Variants in CSMD3 observed in about 807,000 individuals in gnomAD.
CSMD3 encodes CUB and sushi domain-containing protein 3.
Under a neutral mutation model 435.2 loss-of-function variants are expected in CSMD3, and 177 were observed. That is an observed-to-expected ratio of 0.41 (90% CI 0.36 to 0.46). The LOEUF is 0.46. CSMD3 is among the 20% of genes least tolerant of loss of function. The pLI is 0.34. For missense variants in CSMD3, 4,265 were observed against 4,504.6 expected (o/e 0.95, Z 1.52); for synonymous variants, 1,656 against 1,520.5 (o/e 1.09, Z -2.07).
At chr8:112,742,032 G>A (rs2077324118) in intron 13 of CSMD3, among the ~76,000 whole-genome samples, 2 of 151,904 alleles carry the variant, frequency 1.3e-5, no homozygotes, top group South Asian at 4.1e-4. Context: ...GAAGAAAAAA[G>A]TCTTCCAGCT....
chr8:113,061,841 A>C (rs2131367918), intron 5 of CSMD3, among the ~76,000 whole-genome samples: 1 of 152,026 alleles, frequency 6.6e-6, no homozygotes, highest in African/African-American at 2.4e-5. Flanking sequence ...AGATGTGTAG[A>C]TGCATAGCCC....
At chr8:113,211,620 C>T (rs371382805) in intron 3 of CSMD3, among the ~76,000 whole-genome samples, 344 of 152,076 alleles carry the variant, frequency 2.3e-3, no homozygotes, top group African/African-American at 8.0e-3. Flanking sequence ...ACCCAGGAGA[C>T]GGAGGTTGCA....
At chr8:112,577,429 A>G (rs1830029451) in intron 23 of CSMD3, among the ~76,000 whole-genome samples, 1 of 152,112 alleles carries the variant, frequency 6.6e-6, no homozygotes, top group Non-Finnish European at 1.5e-5. Flanking sequence ...TAGGACTTTT[A>G]TTTGAGACTC....
chr8:113,357,221 G>T (rs2094236529), intron 1 of CSMD3, among the ~76,000 whole-genome samples: 1 of 152,144 alleles, frequency 6.6e-6, no homozygotes, highest in Non-Finnish European at 1.5e-5. Flanking sequence ...ATAAGCATTT[G>T]CTTTGGATTA....
intron 5 of CSMD3, among the ~76,000 whole-genome samples, chr8:113,078,389 T>G (rs887479557): frequency 5.9e-5 from 9 of 152,224 alleles, no homozygotes; most frequent in Non-Finnish European, 2.9e-5. Context: ...CCCAATGTCA[T>G]GTATGCCACT....
At chr8:113,095,567 A>T (rs1215658978) in intron 5 of CSMD3, among the ~76,000 whole-genome samples, 1 of 151,872 alleles carries the variant, frequency 6.6e-6, no homozygotes, top group Admixed American at 6.6e-5. Context: ...TTCCATTATA[A>T]TTTTTTCTTT....
chr8:112,764,188 T>A (rs2077917704), intron 13 of CSMD3, among the ~76,000 whole-genome samples: 1 of 151,516 alleles, frequency 6.6e-6, no homozygotes, highest in Admixed American at 6.6e-5. Flanking sequence ...CATCCATGGC[T>A]TCCATTGCTA....
At chr8:112,504,775 C>T (rs1245128754) in intron 29 of CSMD3, among the ~76,000 whole-genome samples, 4 of 152,076 alleles carry the variant, frequency 2.6e-5, no homozygotes, top group African/African-American at 9.7e-5. Context: ...GGAACTCATA[C>T]ATTTAGAAGA....
chr8:112,292,433 TA>T lies in CSMD3; in HGVS notation c.8788+103del, dbSNP rs1586674282. On this transcript the variant is annotated intron_variant, in intron 55 of 70. Coordinates refer to ENST00000297405, the MANE Select transcript of CSMD3 (RefSeq NM_198123.2). ...TATTAAAGCTTTTTGTTTTATTAGATAAAAACTTTTTACTATTCTGCTCAAG... is the reference window on the plus strand; with the variant it reads ...TATTAAAGCTTTTTGTTTTATTAGATAAAACTTTTTACTATTCTGCTCAAG... 2.2e-5 allele frequency: 25 copies of T among 1,137,754 alleles called. No homozygotes were observed. In the East Asian group the frequency reaches 5.4e-4, roughly 25 times the overall value. The allele number at this position is 1,137,754 out of a possible 1,614,324, so 70.5% of individuals were successfully genotyped here.
chr8:113,043,684 GAA>G (rs2087717518), intron 5 of CSMD3, among the ~76,000 whole-genome samples: 1 of 152,022 alleles, frequency 6.6e-6, no homozygotes, highest in Non-Finnish European at 1.5e-5. Context: ...AGAATATAGT[GAA>G]AGTCTGAACC....
intron 53 of CSMD3, among the ~76,000 whole-genome samples, chr8:112,298,138 C>T (rs1009855230): frequency 2.4e-4 from 35 of 148,542 alleles, no homozygotes; most frequent in African/African-American, 7.9e-4. Flanking sequence ...TCACAAGACT[C>T]AATGTTTTTA....
At chr8:113,058,210 T>A (rs2088437276) in intron 5 of CSMD3, among the ~76,000 whole-genome samples, 2 of 152,010 alleles carry the variant, frequency 1.3e-5, no homozygotes, top group Admixed American at 1.3e-4. Context: ...TTGAGAATTA[T>A]AATCTAACTT....
chr8:112,513,614 T>C (rs937026109), intron 28 of CSMD3, among the ~76,000 whole-genome samples: 1 of 152,122 alleles, frequency 6.6e-6, no homozygotes, highest in African/African-American at 2.4e-5. Flanking sequence ...TACAGGGACA[T>C]GAAGTGAGCA....
chr8:112,567,922 G>A (rs1829188278), intron 24 of CSMD3, among the ~76,000 whole-genome samples: 1 of 152,114 alleles, frequency 6.6e-6, no homozygotes, highest in South Asian at 2.1e-4. Context: ...AGTAACTTGT[G>A]TCGCGTAAAG....
At chr8:112,406,216 C>T (rs551687994) in intron 35 of CSMD3, among the ~76,000 whole-genome samples, 87 of 151,930 alleles carry the variant, frequency 5.7e-4, no homozygotes, top group African/African-American at 2.0e-3. Flanking sequence ...TTCATAATCC[C>T]ACATTAGTAG....
chr8:112,629,510 C>A (rs550395473), intron 22 of CSMD3, among the ~76,000 whole-genome samples: 7 of 152,190 alleles, frequency 4.6e-5, no homozygotes, highest in Admixed American at 2.0e-4. Context: ...TGCACTAGAC[C>A]TCAATATAGC....
chr8:113,321,418 G>A (rs987383349), intron 1 of CSMD3, among the ~76,000 whole-genome samples: 2 of 152,010 alleles, frequency 1.3e-5, no homozygotes, highest in Admixed American at 6.6e-5. Context: ...GACAGAGGAA[G>A]GAGTGGGGCA....
At chr8:112,944,786 G>T (rs73347917) in intron 9 of CSMD3, among the ~76,000 whole-genome samples, 1 of 151,236 alleles carries the variant, frequency 6.6e-6, no homozygotes, top group African/African-American at 2.4e-5. Context: ...ATAGTCCTCT[G>T]GTCTCTCATG....
At chr8:113,383,642 A>G (rs1343661339) in intron 1 of CSMD3, among the ~76,000 whole-genome samples, 2 of 152,140 alleles carry the variant, frequency 1.3e-5, no homozygotes. Flanking sequence ...CCAGGTAGTA[A>G]TATGCACTAA....
Sources: allele counts gnomAD v4.1 joint callset (sites outside exome capture counted in the v4.1 genomes callset), GRCh38; gene constraint gnomAD v4.1.1; transcripts MANE v1.5; gene names NCBI Gene and HGNC (gene_info 2026-07-23, HGNC 2026-07-21).